Variants in STK32B observed in about 807,000 individuals in gnomAD.
STK32B encodes serine/threonine kinase 32B, also known as serine/threonine-protein kinase 32B.
Under a neutral mutation model 52.6 loss-of-function variants are expected in STK32B, and 43 were observed. That is an observed-to-expected ratio of 0.82 (90% CI 0.64 to 1.05). STK32B has a LOEUF of 1.05. Among genes scored for constraint, STK32B ranks in the 50% least tolerant of loss-of-function variants. The pLI, the probability that STK32B is intolerant of heterozygous loss-of-function variation, is 0.00. For missense variants in STK32B, 621 were observed against 534.6 expected (o/e 1.16, Z -1.59); for synonymous variants, 238 against 204.3 (o/e 1.17, Z -1.41).
In STK32B at chr4:5,069,246, A is replaced by G. The variant is rs1030907777; in HGVS notation, c.52+17331A>G. Reference sequence around the variant, plus strand: ...CTCGCTCTGTCGCCCAGGCTGGGGTACAGTGGCACAATCTCGGCTCACTGC... The same window carrying G: ...CTCGCTCTGTCGCCCAGGCTGGGGTGCAGTGGCACAATCTCGGCTCACTGC... On this transcript the variant is annotated intron_variant, in intron 1 of 11. Coordinates refer to ENST00000282908, the MANE Select transcript of STK32B (RefSeq NM_018401.3). Among the ~76,000 whole-genome samples, 4 of 144,498 alleles carry G rather than the reference A, an allele frequency of 2.8e-5. No homozygotes were observed. In the Admixed American group the frequency reaches 2.9e-4, roughly 10 times the overall value. 94.8% of individuals were successfully genotyped at this position (144,498 alleles called of 152,430 possible).
the STK32B span, among the ~76,000 whole-genome samples, chr4:5,045,175 G>A: frequency 6.6e-6 from 1 of 152,234 alleles, no homozygotes; most frequent in African/African-American, 2.4e-5. Flanking sequence ...AAAGCCCCGA[G>A]TCTTTGAGCC....
chr4:5,359,373 ATCCAACCCTCCC>A (rs147104490), intron 4 of STK32B, among the ~76,000 whole-genome samples: 7 of 141,010 alleles, frequency 5.0e-5, no homozygotes, highest in South Asian at 2.3e-4. Flanking sequence ...CCAACCACTC[ATCCAACCCTCCC>A]TCCCTCCCTC....
rs531437235 is a variant in STK32B, at chr4:5,111,388, TAAAG to T, written c.53-28513_53-28510del. On this transcript the variant is annotated intron_variant, in intron 1 of 11. Transcript: ENST00000282908. Reference sequence around the variant, plus strand: ...AAGTGTCCATCAGCAGTTAATCAGATAAAGAAATTGTGGTGTGTGTGTGTGCAAT... The same window carrying T: ...AAGTGTCCATCAGCAGTTAATCAGATAAATTGTGGTGTGTGTGTGTGCAAT... Among the ~76,000 whole-genome samples, 13 of 152,194 alleles carry T rather than the reference TAAAG, an allele frequency of 8.5e-5. No homozygotes were observed. In the South Asian group the frequency reaches 1.9e-3, roughly 22 times the overall value.
chr4:5,498,229 G>A (rs1720453562), intron 11 of STK32B, among the ~76,000 whole-genome samples: 1 of 152,184 alleles, frequency 6.6e-6, no homozygotes, highest in Non-Finnish European at 1.5e-5. Context: ...AATGACAGCT[G>A]TGGTATAGCG....
chr4:5,147,857 T>C (rs1198878291), intron 2 of STK32B, among the ~76,000 whole-genome samples: 2 of 151,966 alleles, frequency 1.3e-5, no homozygotes, highest in African/African-American at 4.8e-5. Flanking sequence ...TCATAAGGAA[T>C]ATTAGTCTGC....
At chr4:5,327,484 A>G (rs1348614268) in intron 3 of STK32B, among the ~76,000 whole-genome samples, 2 of 151,902 alleles carry the variant, frequency 1.3e-5, no homozygotes, top group African/African-American at 4.8e-5. Context: ...ATGTTGTTTT[A>G]TCATGAAAAC....
chr4:5,422,412 G>A (rs978931649), intron 6 of STK32B, among the ~76,000 whole-genome samples: 2 of 152,170 alleles, frequency 1.3e-5, no homozygotes, highest in African/African-American at 4.8e-5. Context: ...AAAATGGGCT[G>A]ATGAGTAAGC....
At chr4:5,487,263 G>A (rs1158571527) in intron 11 of STK32B, among the ~76,000 whole-genome samples, 1 of 152,188 alleles carries the variant, frequency 6.6e-6, no homozygotes, top group Non-Finnish European at 1.5e-5. Flanking sequence ...GGGTTTGACT[G>A]TGGTCTAGTA....
At chr4:5,040,358 C>G in the STK32B span, among the ~76,000 whole-genome samples, 1 of 150,792 alleles carries the variant, frequency 6.6e-6, no homozygotes, top group African/African-American at 2.4e-5. Flanking sequence ...TGACTTCTCT[C>G]AGTGCACATG....
chr4:5,091,061 A>T (rs565593765), intron 1 of STK32B, among the ~76,000 whole-genome samples: 3 of 152,336 alleles, frequency 2.0e-5, no homozygotes, highest in African/African-American at 7.2e-5. Flanking sequence ...ATTAACACCA[A>T]TCGTTCTCAA....
intron 3 of STK32B, among the ~76,000 whole-genome samples, chr4:5,312,504 T>C (rs1434469963): frequency 1.3e-5 from 2 of 151,316 alleles, no homozygotes; most frequent in Non-Finnish European, 2.9e-5. Context: ...GTTCTCATTG[T>C]TCAATTCCCA....
At chr4:5,379,029 C>G (rs1014401416) in intron 4 of STK32B, among the ~76,000 whole-genome samples, 1 of 151,770 alleles carries the variant, frequency 6.6e-6, no homozygotes, top group African/African-American at 2.4e-5. Context: ...AGGGTCAACA[C>G]TAAGGTCAGG....
chr4:5,029,832 A>T, the STK32B span, among the ~76,000 whole-genome samples: 2 of 152,184 alleles, frequency 1.3e-5, no homozygotes, highest in Admixed American at 6.5e-5. Flanking sequence ...CCCAAATCTC[A>T]TCTTGAATTG....
chr4:5,187,452 C>A (rs1374012056), intron 3 of STK32B, among the ~76,000 whole-genome samples: 1 of 152,186 alleles, frequency 6.6e-6, no homozygotes, highest in Non-Finnish European at 1.5e-5. Flanking sequence ...ATGTTACTGT[C>A]TCGTTTACAG....
At chr4:5,220,197 A>G (rs763361564) in intron 3 of STK32B, among the ~76,000 whole-genome samples, 2 of 152,160 alleles carry the variant, frequency 1.3e-5, no homozygotes, top group African/African-American at 4.8e-5. Flanking sequence ...ATGTTCGAGA[A>G]CTATCCAGGG....
chr4:5,116,356 T>G (rs1425747416), intron 1 of STK32B, among the ~76,000 whole-genome samples: 1 of 152,218 alleles, frequency 6.6e-6, no homozygotes. Flanking sequence ...TTTGTTGTCG[T>G]TGTACATTTT....
intron 3 of STK32B, among the ~76,000 whole-genome samples, chr4:5,280,489 T>G (rs1479402262): frequency 6.6e-6 from 1 of 152,210 alleles, no homozygotes; most frequent in Non-Finnish European, 1.5e-5. Flanking sequence ...TGTTGTAAAC[T>G]CTTCCCATTT....
At chr4:5,112,549 C>G (rs534611840) in intron 1 of STK32B, among the ~76,000 whole-genome samples, 1 of 152,294 alleles carries the variant, frequency 6.6e-6, no homozygotes, top group African/African-American at 2.4e-5. Flanking sequence ...CTCTTCAGAC[C>G]TTTAGCTGAT....
intron 1 of STK32B, among the ~76,000 whole-genome samples, chr4:5,110,342 A>T (rs1714335485): frequency 6.6e-6 from 1 of 151,930 alleles, no homozygotes; most frequent in South Asian, 2.1e-4. Flanking sequence ...TAGAGACATC[A>T]CATTGCTTGA....
Sources: allele counts gnomAD v4.1 joint callset (sites outside exome capture counted in the v4.1 genomes callset), GRCh38; gene constraint gnomAD v4.1.1; transcripts MANE v1.5; gene names NCBI Gene and HGNC (gene_info 2026-07-23, HGNC 2026-07-21).